The following TTLL8 variants were observed in gnomAD, a reference collection of about 807,000 sequenced individuals.
TTLL8 encodes protein monoglycylase TTLL8.
In TTLL8, 65 loss-of-function variants were observed where a neutral mutation model predicts 77.8. The observed-to-expected ratio is 0.84, with a 90% confidence interval of 0.68 to 1.03. The LOEUF is 1.03. Ranked by LOEUF, TTLL8 falls within the 50% of genes least tolerant of loss-of-function variation. The pLI is 0.00. For missense variants in TTLL8, 910 were observed against 1,004.5 expected (o/e 0.91, Z 1.27); for synonymous variants, 402 against 422.8 (o/e 0.95, Z 0.60).
rs576480544 is a variant in TTLL8, at chr22:50,046,408, G to A, written c.394-438C>T. ...GCCCACCACACGCGAGGTAGCACGC[G>A]CCATTAGAGAGGCATATCGTGAAGT... On this transcript the variant is annotated intron_variant, in intron 4 of 13. Transcript: ENST00000266182. Among the ~76,000 whole-genome samples the A allele has an allele frequency of 5.9e-5, 9 of 152,336 alleles. No homozygotes were observed. The South Asian group carries it at 1.7e-3, about 28-fold the overall frequency.
chr22:50,021,811 ATGCACTCCTCCATCTGACGACG>A (rs2061202947), intron 12 of TTLL8, among the ~76,000 whole-genome samples: 1 of 70,422 alleles, frequency 1.4e-5, no homozygotes, highest in Non-Finnish European at 2.8e-5. Context: ...TCCATCTGAC[ATGCACTCCTCCATCTGACGACG>A]TGCACTCCTC....
At position 50,034,257 on chromosome 22, in the gene TTLL8, G is replaced by C; in HGVS notation, c.1039+88C>G. ...CCCTCCCTTCCTTCCCTGTGGTGCT[G>C]TGGGCCTGAAACTGTCCCTCACTCA... On this transcript the variant is annotated intron_variant, in intron 9 of 13. Transcript: ENST00000266182. The surrounding 1 kb of genome is among the most constrained non-coding windows in gnomAD (Gnocchi z 4.1). The C allele has an allele frequency of 5.6e-6, 7 of 1,254,230 alleles. No individual in the cohort carries two copies. In the South Asian group the frequency reaches 9.5e-5, roughly 17 times the overall value. 77.7% of individuals were successfully genotyped at this position (1,254,230 alleles called of 1,614,324 possible).
At chr22:50,048,123 T>C (rs1290145845) in intron 3 of TTLL8, among the ~76,000 whole-genome samples, 1 of 151,022 alleles carries the variant, frequency 6.6e-6, no homozygotes, top group Non-Finnish European at 1.5e-5. Context: ...AAAGTGTGTG[T>C]GTGTGTGTGT....
At position 50,030,389 on chromosome 22, in the gene TTLL8, G is replaced by A. The variant is rs763193955; in HGVS notation, c.2203+41C>T. The A allele has an allele frequency of 1.8e-5, 23 of 1,266,162 alleles. No homozygotes were observed. The Admixed American group carries it at 5.4e-4, about 30-fold the overall frequency. The allele number at this position is 1,266,162 out of a possible 1,614,324, so 78.4% of individuals were successfully genotyped here. On this transcript the variant is annotated intron_variant, in intron 12 of 13. Transcript: ENST00000266182. ...GGCGAGGGTTGGGGATGCAGCAGGCGGCCCCCAAGCCCACAGCGCACCGCC... is the reference window on the plus strand; with the variant it reads ...GGCGAGGGTTGGGGATGCAGCAGGCAGCCCCCAAGCCCACAGCGCACCGCC...
intron 12 of TTLL8, among the ~76,000 whole-genome samples, chr22:50,022,139 A>G (rs34837272): frequency 0.45 from 57,367 of 127,306 alleles, 11,596 homozygotes; most frequent in South Asian, 0.53. Context: ...TCCATCTGAC[A>G]TGCACTCCTC....
In TTLL8 at chr22:50,044,826, G is replaced by T. The variant is rs754925534; in HGVS notation, c.643+429C>A. On this transcript the variant is annotated intron_variant, in intron 6 of 13. Coordinates refer to ENST00000266182, the Ensembl canonical transcript of TTLL8. The surrounding 1 kb of genome is among the most constrained non-coding windows in gnomAD (Gnocchi z 4.2). ...AGATTTGGGTTTTGTCCAAAAACACGACGGCTGGTTCACATCCCTGTACCA... is the reference window on the plus strand; with the variant it reads ...AGATTTGGGTTTTGTCCAAAAACACTACGGCTGGTTCACATCCCTGTACCA... 9.2e-5 allele frequency among the ~76,000 whole-genome samples: 14 copies of T among 152,084 alleles called. No individual in the cohort carries two copies. The highest frequency in any genetic ancestry group is 2.6e-4 in the Admixed American group (4 of 15,280).
intron 12 of TTLL8, among the ~76,000 whole-genome samples, chr22:50,022,741 G>C (rs1289278659): frequency 6.6e-6 from 1 of 152,246 alleles, no homozygotes; most frequent in African/African-American, 2.4e-5. Context: ...TGTAGGTGTG[G>C]AGCAGCAAGA....
At chr22:50,056,639 A>G (rs1011673325), upstream of TTLL8, among the ~76,000 whole-genome samples, 2 of 152,134 alleles carry the variant, frequency 1.3e-5, no homozygotes, top group Non-Finnish European at 2.9e-5. The surrounding 1 kb of genome is among the most constrained non-coding windows in gnomAD (Gnocchi z 4.1). Context: ...CCAGTTTCCC[A>G]GGAAGCTGGC....
intron 12 of TTLL8, among the ~76,000 whole-genome samples, chr22:50,027,118 C>T (rs2146631216): frequency 1.3e-5 from 2 of 152,192 alleles, no homozygotes; most frequent in African/African-American, 4.8e-5. Flanking sequence ...CGCCTGTAGT[C>T]CCAGCTACTC....
intron 1 of TTLL8, among the ~76,000 whole-genome samples, chr22:50,051,612 G>A (rs758267516): frequency 2.0e-5 from 3 of 152,196 alleles, no homozygotes; most frequent in Non-Finnish European, 4.4e-5. Flanking sequence ...GAATGTCCAC[G>A]CTGTTTTCCA....
At chr22:50,036,385 A>G (rs565227357) in intron 8 of TTLL8, among the ~76,000 whole-genome samples, 3 of 152,258 alleles carry the variant, frequency 2.0e-5, no homozygotes, top group African/African-American at 7.2e-5. Context: ...GCATCCTGCC[A>G]TACTCAAAAA....
At chr22:50,031,391 G>C (rs1276215621) in intron 11 of TTLL8, among the ~76,000 whole-genome samples, 1 of 152,220 alleles carries the variant, frequency 6.6e-6, no homozygotes, top group Non-Finnish European at 1.5e-5. Flanking sequence ...GGTGAGGCTG[G>C]GAACAAGAGG....
chr22:50,026,386 T>C (rs1311235710), intron 12 of TTLL8, among the ~76,000 whole-genome samples: 1 of 99,448 alleles, frequency 1.0e-5, no homozygotes, highest in African/African-American at 3.5e-5. Context: ...GACACGGAAA[T>C]ACACCCGCCA....
rs780238911 is a variant in TTLL8 at position 50,049,330 on chromosome 22, C to G, written c.191-8G>C. Reference sequence around the variant, plus strand: ...CTTTGGCACATGTATCATCTGCCAACAAAACACAGGGGAGGCCTGAACATG... The same window carrying G: ...CTTTGGCACATGTATCATCTGCCAAGAAAACACAGGGGAGGCCTGAACATG... On this transcript the variant is annotated splice_polypyrimidine_tract_variant and splice_region_variant and intron_variant, in intron 2 of 13. Transcript: ENST00000266182. The G allele has an allele frequency of 2.9e-6, 4 of 1,367,432 alleles. No homozygotes were observed. Among genetic ancestry groups the G allele is most frequent in the African/African-American group, 1.5e-5 (1 of 67,774 alleles). 84.7% of individuals were successfully genotyped at this position (1,367,432 alleles called of 1,614,324 possible).
chr22:50,058,033 C>T (rs1420489738), upstream of TTLL8, among the ~76,000 whole-genome samples: 1 of 149,634 alleles, frequency 6.7e-6, no homozygotes, highest in East Asian at 2.0e-4. The surrounding 1 kb of genome is among the most constrained non-coding windows in gnomAD (Gnocchi z 4.2). Context: ...AGGGGGTAGG[C>T]CTGGGTTTCC....
chr22:50,049,043 C>T lies in TTLL8; in HGVS notation c.264+206G>A, dbSNP rs930746232. The T allele has an allele frequency of 1.2e-5, 7 of 568,734 alleles. No homozygotes were observed. The South Asian group carries it at 2.3e-4, about 19-fold the overall frequency. The allele number at this position is 568,734 out of a possible 1,614,324, so 35.2% of individuals were successfully genotyped here. A position where few individuals can be genotyped will look rare whatever the true frequency, so the allele number is the denominator to read the frequency against. On this transcript the variant is annotated intron_variant, in intron 3 of 13. Coordinates refer to ENST00000266182, the Ensembl canonical transcript of TTLL8. ...AGCACCGGGTCCACCCACTACACAGCGGCTCATCCAGCACCGAAGGGCTCG... is the reference window on the plus strand; with the variant it reads ...AGCACCGGGTCCACCCACTACACAGTGGCTCATCCAGCACCGAAGGGCTCG...
At chr22:50,055,240 T>G, upstream of TTLL8, 1 of 1,289,522 alleles carries the variant, frequency 7.8e-7, no homozygotes, top group Middle Eastern at 2.1e-4. Context: ...TTACCTTGAT[T>G]GCTTTTTCTG....
At chr22:50,039,308 G>GT (rs2146667836) in intron 8 of TTLL8, among the ~76,000 whole-genome samples, 1 of 152,268 alleles carries the variant, frequency 6.6e-6, no homozygotes, top group South Asian at 2.1e-4. Context: ...TTGTAGGAAA[G>GT]TTTTTAAATT....
chr22:50,025,908 AACCAGG>A (rs1477485168), intron 12 of TTLL8, among the ~76,000 whole-genome samples: 4 of 152,206 alleles, frequency 2.6e-5, no homozygotes, highest in African/African-American at 9.7e-5. Context: ...GATGTGGGGC[AACCAGG>A]ACTCTCACGT....
Sources: gnomAD v4.1 joint callset for allele counts (sites outside exome capture counted in the v4.1 genomes callset) on GRCh38, gnomAD v4.1.1 for gene constraint, Gnocchi (gnomAD v3.1) non-coding constraint, MANE v1.5 for transcripts, NCBI Gene and HGNC (gene_info 2026-07-23, HGNC 2026-07-21) for gene names.